The following PI4KA variants were observed in gnomAD, a reference collection of about 807,000 sequenced individuals.
PI4KA encodes the protein PI4-kinase alpha.
PI4KA carries 122 observed loss-of-function variants against 271.4 expected under a neutral mutation model. The observed-to-expected ratio is 0.45, with a 90% confidence interval of 0.39 to 0.52. The LOEUF is 0.52. PI4KA is among the 20% of genes least tolerant of loss of function. The probability of loss-of-function intolerance (pLI) is 0.00; values close to 1 mark genes in which losing one functional copy is unlikely to be tolerated. For missense variants in PI4KA, 1,969 were observed against 2,769.1 expected (o/e 0.71, Z 6.48); for synonymous variants, 1,041 against 1,078.8 (o/e 0.96, Z 0.69).
chr22:20,850,435 C>G (rs1413172245), intron 1 of PI4KA, among the ~76,000 whole-genome samples: 2 of 145,378 alleles, frequency 1.4e-5, no homozygotes, highest in Non-Finnish European at 3.0e-5. Context: ...ACTATAAATA[C>G]TCATTTAAAA....
chr22:20,732,833 C>G (rs1376764401), intron 36 of PI4KA, 138 bp downstream of exon 36: 1 of 844,650 alleles, frequency 1.2e-6, no homozygotes, highest in East Asian at 2.7e-5. Flanking sequence ...CTCCAATGAC[C>G]GTGCAACACA....
chr22:20,820,633 G>GA (rs764245223), intron 4 of PI4KA, 22 bp from the exon 5 acceptor site: 34,302 of 1,261,034 alleles, frequency 0.027, no homozygotes, highest in South Asian at 0.029. Flanking sequence ...AAGGAAACAA[G>GA]AAAAAAAAAA....
At chr22:20,837,445 C>G (rs1003513096) in intron 2 of PI4KA, among the ~76,000 whole-genome samples, 2 of 152,084 alleles carry the variant, frequency 1.3e-5, no homozygotes, top group African/African-American at 4.8e-5. Context: ...TTTTATGTAA[C>G]CTTGATCAGG....
In PI4KA at chr22:20,819,724, A is replaced by G; in HGVS notation, c.706T>C (p.Ser236Pro). The change falls in exon 6 of 55, where the codon TCC becomes CCC. Residue 236 changes from serine (S) to proline (P), a missense_variant. By Grantham distance (74) the Ser-to-Pro change is moderately conservative. Around this residue, in one of 13 missense-constraint regions of PI4KA, gnomAD observed 540 missense variants for 555.5 expected, o/e 0.97. Transcript: ENST00000255882. The stretch of plus-strand genomic sequence containing the variant: ...GTCAGCAGATTGCTGGGGAGGATGG[A>G]GCGGAAGTCATTAAAGGAACGCCTT... The part of the protein sequence containing the change: ...VRRRSFNDFR[S>P]ILPSNLLTVC... The G allele has an allele frequency of 1.2e-6, 2 of 1,613,986 alleles. No individual in the cohort carries two copies. Among genetic ancestry groups the G allele is most frequent in the Non-Finnish European group, 1.7e-6 (2 of 1,179,926 alleles).
At chr22:20,815,391 A>C (rs1431692374) in intron 7 of PI4KA, among the ~76,000 whole-genome samples, 4 of 147,540 alleles carry the variant, frequency 2.7e-5, no homozygotes, top group Admixed American at 6.7e-5. Context: ...AAAAAAAAAA[A>C]AAAAAAAAAC....
chr22:20,789,025 C>A (rs993516586), intron 19 of PI4KA, among the ~76,000 whole-genome samples: 6 of 152,152 alleles, frequency 3.9e-5, no homozygotes, highest in African/African-American at 1.4e-4. Flanking sequence ...ATCCAGACAC[C>A]CCCGTTTCAA....
At chr22:20,718,878 G>T in intron 43 of PI4KA, 56 bp from the exon 44 acceptor site, 1 of 1,589,030 alleles carries the variant, frequency 6.3e-7, no homozygotes, top group Non-Finnish European at 8.6e-7. Context: ...GGCCCCTCAG[G>T]AATACCAGCC....
intron 9 of PI4KA, among the ~76,000 whole-genome samples, chr22:20,807,811 G>A (rs967950524): frequency 1.3e-5 from 2 of 151,962 alleles, no homozygotes; most frequent in Admixed American, 6.6e-5. Context: ...GGCCACCAGA[G>A]TAAGGGATCC....
intron 19 of PI4KA, among the ~76,000 whole-genome samples, chr22:20,781,685 G>A (rs531382365): frequency 6.6e-6 from 1 of 152,370 alleles, no homozygotes; most frequent in Admixed American, 6.5e-5. Context: ...CAAAGGCTGA[G>A]TTCTAACAGG....
At chr22:20,733,367 C>G (rs924751533) in intron 35 of PI4KA, among the ~76,000 whole-genome samples, 3 of 149,166 alleles carry the variant, frequency 2.0e-5, no homozygotes, top group African/African-American at 7.5e-5. Context: ...GGCAAGGAAG[C>G]TGCACTCACA....
At chr22:20,804,191 G>A in intron 12 of PI4KA, 109 bp downstream of exon 12, 2 of 747,052 alleles carry the variant, frequency 2.7e-6, no homozygotes, top group South Asian at 1.5e-5. Context: ...GACAGAACCG[G>A]CAGGGTCTCC....
At chr22:20,780,326 ACT>A in intron 19 of PI4KA, 1 of 1,456,858 alleles carries the variant, frequency 6.9e-7, no homozygotes, top group South Asian at 1.1e-5. Flanking sequence ...CACAAGATTG[ACT>A]CTGGAACGGG....
intron 43 of PI4KA, among the ~76,000 whole-genome samples, chr22:20,719,921 G>C (rs1356217835): frequency 6.6e-6 from 1 of 151,548 alleles, no homozygotes; most frequent in Non-Finnish European, 1.5e-5. Flanking sequence ...AGCTACTCGG[G>C]AGGCTGAGGC....
intron 3 of PI4KA, among the ~76,000 whole-genome samples, chr22:20,825,069 C>CAAGAAAA (rs1923229736): frequency 1.3e-5 from 1 of 76,908 alleles, no homozygotes; most frequent in Non-Finnish European, 2.2e-5. Flanking sequence ...GACGCCATCT[C>CAAGAAAA]AAAAAAAAAA....
At chr22:20,801,928 T>G (rs1935356594) in intron 14 of PI4KA, 45 bp downstream of exon 14, 1 of 1,599,132 alleles carries the variant, frequency 6.3e-7, no homozygotes, top group African/African-American at 1.3e-5. Flanking sequence ...ATAACCCGCT[T>G]GTCTGGAGCA....
chr22:20,798,514 C>A (rs2147584668), intron 17 of PI4KA, 70 bp downstream of exon 17: 1 of 963,052 alleles, frequency 1.0e-6, no homozygotes, highest in Admixed American at 1.7e-5. Context: ...GAGACAAATT[C>A]ACAAACCTCA....
chr22:20,742,510 G>A (rs1929579294), intron 31 of PI4KA, 98 bp downstream of exon 31: 8 of 1,550,700 alleles, frequency 5.2e-6, no homozygotes, highest in Non-Finnish European at 7.1e-6. Flanking sequence ...GGGAGCTCCT[G>A]CTCTTTCTCC....
chr22:20,714,014 G>A (rs1373346673), intron 47 of PI4KA, among the ~76,000 whole-genome samples: 2 of 152,202 alleles, frequency 1.3e-5, no homozygotes, highest in Non-Finnish European at 2.9e-5. Context: ...GCGGAGATGG[G>A]AGTGGAGCAT....
intron 19 of PI4KA, among the ~76,000 whole-genome samples, chr22:20,766,096 A>C (rs1932500976): frequency 6.6e-6 from 1 of 152,342 alleles, no homozygotes; most frequent in East Asian, 1.9e-4. Context: ...TTAGGTCCTA[A>C]GCCTGGCACT....
Sources: allele counts gnomAD v4.1 joint callset (sites outside exome capture counted in the v4.1 genomes callset), GRCh38; gene constraint gnomAD v4.1.1; regional missense constraint gnomAD v4.1.1; transcripts MANE v1.5; gene names NCBI Gene and HGNC (gene_info 2026-07-23, HGNC 2026-07-21).